The following SNRPN variants were observed in gnomAD, a reference collection of about 807,000 sequenced individuals.
SNRPN encodes small nuclear ribonucleoprotein-associated protein N.
Under a neutral mutation model 25.2 loss-of-function variants are expected in SNRPN, and 7 were observed. The observed-to-expected ratio is 0.28, with a 90% CI of 0.16 to 0.52. SNRPN has a LOEUF of 0.52. Among genes scored for constraint, SNRPN ranks in the 20% least tolerant of loss-of-function variants. SNRPN has a pLI of 0.96. For synonymous variants in SNRPN, 124 were observed against 110.6 expected (o/e 1.12, Z -0.76); for missense variants, 196 against 322.5 (o/e 0.61, Z 3.00).
chr15:24,936,181 C>A (rs1424361098), intron 3 of SNRPN, among the ~76,000 whole-genome samples: 2 of 152,154 alleles, frequency 1.3e-5, no homozygotes, highest in East Asian at 1.9e-4. Context: ...ATGACTGCAA[C>A]TTTCCTGTGA....
intron 2 of SNRPN, chr15:24,908,966 CT>C (rs2059036678): frequency 7.3e-7 from 1 of 1,369,732 alleles, no homozygotes; most frequent in East Asian, 2.3e-5. Flanking sequence ...TCTGAGGAAG[CT>C]TGCATTCTTT....
chr15:24,930,970 G>A (rs2060812296), intron 3 of SNRPN, among the ~76,000 whole-genome samples: 2 of 151,802 alleles, frequency 1.3e-5, no homozygotes, highest in Admixed American at 1.3e-4. Context: ...AGAGGCTGAG[G>A]TGGGGAGCCC....
In SNRPN at chr15:24,978,594, T is replaced by C. The variant is rs1003982136; in HGVS notation, c.*150T>C. On this transcript the variant is annotated 3_prime_UTR_variant, in exon 10 of 10. Coordinates refer to ENST00000390687, the MANE Select transcript of SNRPN (RefSeq NM_003097.6). ...GCAATTAAACTGTGAGGTACTGTTG[T>C]ATATATTTTTTTGCCTGTTGATTTT... 3 of 756,774 alleles carry C rather than the reference T, an allele frequency of 4.0e-6. No individual in the cohort carries two copies. The highest frequency in any genetic ancestry group is 6.6e-6 in the Non-Finnish European group (3 of 451,644). The allele number at this position is 756,774 out of a possible 1,614,324, so 46.9% of individuals were successfully genotyped here. A position where few individuals can be genotyped will look rare whatever the true frequency, so the allele number is the denominator to read the frequency against.
intron 1 of SNRPN, among the ~76,000 whole-genome samples, chr15:24,825,732 T>A (rs929991739): frequency 1.2e-4 from 19 of 152,116 alleles, no homozygotes; most frequent in African/African-American, 4.6e-4. Flanking sequence ...AGAAACCATA[T>A]TTTATAATGT....
chr15:24,970,392 C>T (rs2076247002), intron 3 of SNRPN, among the ~76,000 whole-genome samples: 1 of 152,116 alleles, frequency 6.6e-6, no homozygotes. Context: ...CCAACCTGGC[C>T]ACATGGCGAA....
At chr15:24,882,425 A>G (rs1292658695) in intron 1 of SNRPN, among the ~76,000 whole-genome samples, 1 of 152,204 alleles carries the variant, frequency 6.6e-6, no homozygotes, top group East Asian at 1.9e-4. Flanking sequence ...TTGACAATGA[A>G]TACTATCACA....
intron 1 of SNRPN, among the ~76,000 whole-genome samples, chr15:24,879,439 CA>C (rs10688286): frequency 6.9e-6 from 1 of 145,306 alleles, no homozygotes. Context: ...TCTGTCTCTA[CA>C]AAAAAAAAAG....
chr15:24,908,927 G>T, intron 2 of SNRPN: 4 of 1,108,938 alleles, frequency 3.6e-6, no homozygotes, highest in Non-Finnish European at 5.3e-6. Flanking sequence ...AAATTGTTTG[G>T]TTTAGCTCTC....
At chr15:24,884,278 G>A (rs117753512) in intron 1 of SNRPN, among the ~76,000 whole-genome samples, 1 of 152,252 alleles carries the variant, frequency 6.6e-6, no homozygotes, top group East Asian at 1.9e-4. Context: ...AGGCTGCCGT[G>A]AGGCATGATG....
At chr15:24,921,029 T>G (rs1035431849) in intron 3 of SNRPN, 13 of 152,196 alleles carry the variant, frequency 8.5e-5, no homozygotes, top group African/African-American at 2.9e-4. Flanking sequence ...CAGCCCATTT[T>G]TCTGATGGGT....
At chr15:24,888,111 A>ATTTTTTT (rs1566873553) in intron 2 of SNRPN, among the ~76,000 whole-genome samples, 1 of 121,520 alleles carries the variant, frequency 8.2e-6, no homozygotes. Flanking sequence ...ATTAGAAATG[A>ATTTTTTT]CTTTTTTTTT....
Position 24,978,245 on chromosome 15 carries a change from G to T in SNRPN, c.612G>T (p.Gly204=), listed in dbSNP as rs766149753. ...GACCACCCATGGGCCCACCAATTGG[G>T]CTTCCCCCTGCTCGAGGGACGCCAA... The part of the protein sequence containing the change: ...GMRPPMGPPI[G]LPPARGTPIG... Residue 204 remains glycine, a synonymous_variant, in exon 9 of 10, where the codon GGG becomes GGT. Transcript: ENST00000390687. 2.1e-5 allele frequency: 34 copies of T among 1,613,760 alleles called. No individual in the cohort carries two copies. The highest frequency in any genetic ancestry group is 2.8e-5 in the Non-Finnish European group (33 of 1,179,886).
chr15:24,953,600 C>T (rs928593306), upstream of SNRPN, among the ~76,000 whole-genome samples: 2 of 152,190 alleles, frequency 1.3e-5, no homozygotes, highest in East Asian at 1.9e-4. Context: ...GGAATACAGG[C>T]GTAAGCCACT....
chr15:24,978,020 C>T, intron 8 of SNRPN, 104 bp downstream of exon 8: 1 of 1,254,918 alleles, frequency 8.0e-7, no homozygotes. Flanking sequence ...GAATATGCTT[C>T]CTTCTTCTAG....
Position 24,863,685 on chromosome 15 carries a change from G to A in SNRPN, c.-579+6969G>A, listed in dbSNP as rs898998831. Among the ~76,000 whole-genome samples, 6 of 150,672 alleles carry A rather than the reference G, an allele frequency of 4.0e-5. 1 individual carries two copies. The highest frequency in any genetic ancestry group is 1.2e-4 in the African/African-American group (5 of 40,186). On this transcript the variant is annotated intron_variant, in intron 1 of 11. Transcript: ENST00000400097. ...AAATGAATTGCCCTGCTTTGTATAT[G>A]TTTGCCTAATCATTCCTGAAGATTC...
At chr15:24,852,136 A>G (rs2052910484), upstream of SNRPN, 1 of 152,136 alleles carries the variant, frequency 6.6e-6, no homozygotes, top group East Asian at 1.9e-4. Flanking sequence ...CATTTCATGG[A>G]TGTCACAACT....
intron 2 of SNRPN, among the ~76,000 whole-genome samples, chr15:24,831,537 A>G (rs1384884288): frequency 1.3e-5 from 2 of 151,992 alleles, no homozygotes; most frequent in African/African-American, 4.8e-5. Flanking sequence ...ATTTATTGTT[A>G]ACTATAGTTA....
At chr15:24,866,932 G>A (rs1000222997) in intron 1 of SNRPN, among the ~76,000 whole-genome samples, 4 of 151,902 alleles carry the variant, frequency 2.6e-5, no homozygotes, top group South Asian at 2.1e-4. Context: ...ATCTGTCAAC[G>A]GACACATAGG....
intron 2 of SNRPN, among the ~76,000 whole-genome samples, chr15:24,835,670 G>A (rs565665465): frequency 6.6e-6 from 1 of 152,156 alleles, no homozygotes; most frequent in South Asian, 2.1e-4. Flanking sequence ...CATTTAAAAT[G>A]AAGACTATGA....
Sources: gnomAD v4.1 joint callset for allele counts (sites outside exome capture counted in the v4.1 genomes callset) on GRCh38, gnomAD v4.1.1 for gene constraint, MANE v1.5 for transcripts, NCBI Gene and HGNC (gene_info 2026-07-23, HGNC 2026-07-21) for gene names.